The following AOX1 variants were observed in gnomAD, a reference collection of about 807,000 sequenced individuals.
AOX1 encodes aldehyde oxidase 1, also known as aldehyde oxidase.
A neutral mutation model predicts 169.5 loss-of-function variants in AOX1; 153 were observed. The observed-to-expected ratio is 0.90, with a 90% CI of 0.79 to 1.03. The LOEUF (loss-of-function observed/expected upper bound fraction) is 1.03, where lower values mean the gene tolerates loss of function less well. Among genes scored for constraint, AOX1 ranks in the 50% least tolerant of loss-of-function variants. AOX1 has a pLI of 0.00. For missense variants in AOX1, 1,656 were observed against 1,663.9 expected, an observed-to-expected ratio of 1.00 and a Z score of 0.08; for synonymous variants, 562 against 581.9, an observed-to-expected ratio of 0.97 and a Z score of 0.49.
At chr2:200,623,080 A>C (rs1252936132) in intron 18 of AOX1, among the ~76,000 whole-genome samples, 5 of 152,212 alleles carry the variant, frequency 3.3e-5, no homozygotes, top group Non-Finnish European at 5.9e-5. Context: ...GAAAAGACAT[A>C]ATAGTTCAAA....
chr2:200,659,786 T>TCTCTCTCTCACA (rs373271043), intron 28 of AOX1, among the ~76,000 whole-genome samples: 1 of 96,104 alleles, frequency 1.0e-5, no homozygotes, highest in South Asian at 3.4e-4. Context: ...GTTCTCTCTC[T>TCTCTCTCTCACA]CACACACACA....
intron 25 of AOX1, among the ~76,000 whole-genome samples, chr2:200,644,027 G>A (rs1210350935): frequency 6.6e-6 from 1 of 152,064 alleles, no homozygotes; most frequent in East Asian, 1.9e-4. Flanking sequence ...TACTCTGCTG[G>A]CTGACTGTTC....
chr2:200,601,632 T>TTA (rs1553567189), intron 5 of AOX1, among the ~76,000 whole-genome samples: 3 of 150,864 alleles, frequency 2.0e-5, no homozygotes, highest in Non-Finnish European at 4.4e-5. Context: ...TTTTACTTTT[T>TTA]AAAAAAAAAA....
rs1288893401 is a variant in AOX1 at position 200,602,424 on chromosome 2, G to A, written c.498+79G>A. 10 of 1,275,332 alleles carry A rather than the reference G, an allele frequency of 7.8e-6. No individual in the cohort carries two copies. In the Admixed American group the frequency reaches 8.7e-5, roughly 11 times the overall value. The allele number at this position is 1,275,332 out of a possible 1,614,324, so 79.0% of individuals were successfully genotyped here. A position where few individuals can be genotyped will look rare whatever the true frequency, so the allele number is the denominator to read the frequency against. The stretch of plus-strand genomic sequence containing the variant: ...GTAATGGTTGTCAGTGATTAGGGGG[G>A]CAGCCATCTTACTAATACATGGCTA... On this transcript the variant is annotated intron_variant, in intron 6 of 34. Coordinates refer to ENST00000374700, the MANE Select transcript of AOX1 (RefSeq NM_001159.4).
chr2:200,663,064 C>A, intron 31 of AOX1, 95 bp downstream of exon 31: 2 of 928,024 alleles, frequency 2.2e-6, no homozygotes, highest in Non-Finnish European at 3.5e-6. Flanking sequence ...TGAGTGGCAG[C>A]ATCGTGCATT....
chr2:200,638,842 CA>C (rs2035294820), intron 23 of AOX1, among the ~76,000 whole-genome samples: 1 of 152,094 alleles, frequency 6.6e-6, no homozygotes, highest in Non-Finnish European at 1.5e-5. Context: ...CTCTAAGAAA[CA>C]ACTTAAAAGC....
At chr2:200,679,814 G>A (rs1245458395), downstream of AOX1, among the ~76,000 whole-genome samples, 1 of 152,150 alleles carries the variant, frequency 6.6e-6, no homozygotes, top group African/African-American at 2.4e-5. Context: ...GGGCACAGTG[G>A]TGCACACCTG....
downstream of AOX1, among the ~76,000 whole-genome samples, chr2:200,676,250 T>C (rs1559266755): frequency 6.6e-6 from 1 of 152,128 alleles, no homozygotes; most frequent in South Asian, 2.1e-4. Context: ...TTTGCAAATA[T>C]AGCATGATTT....
intron 17 of AOX1, 70 bp downstream of exon 17, chr2:200,620,889 G>A: frequency 6.6e-7 from 1 of 1,509,490 alleles, no homozygotes; most frequent in Non-Finnish European, 9.0e-7. Flanking sequence ...CTAGTGAAAA[G>A]TAATGGTGTG....
chr2:200,596,870 A>G (rs560730883), intron 3 of AOX1, among the ~76,000 whole-genome samples: 1 of 152,250 alleles, frequency 6.6e-6, no homozygotes, highest in Admixed American at 6.5e-5. Context: ...GGTTTTTAGA[A>G]TGGGAGTGGC....
chr2:200,613,946 T>C lies in AOX1; in HGVS notation c.1591T>C (p.Ser531Pro). The C allele has an allele frequency of 6.2e-7, 1 of 1,612,184 alleles. No homozygotes were observed. Among genetic ancestry groups the C allele is most frequent in the Non-Finnish European group, 8.5e-7 (1 of 1,179,918 alleles). The change falls in exon 15 of 35, where the codon TCA becomes CCA. Residue 531 changes from serine to proline, a missense_variant. Transcript: ENST00000374700. The part of the protein sequence containing the change: ...SFLFKFYLEV[S>P]QILKKMDPVH... ...CCTCTTCAAGTTCTACCTGGAAGTG[T>C]CACAGATTTTGAAAAAGATGGTAAA...
At chr2:200,607,032 G>T (rs1450599916) in intron 10 of AOX1, among the ~76,000 whole-genome samples, 2 of 152,152 alleles carry the variant, frequency 1.3e-5, no homozygotes, top group African/African-American at 4.8e-5. Context: ...AATAGTAGTG[G>T]TGAGAGAGGG....
chr2:200,673,835 T>C (rs2105781994), downstream of AOX1, among the ~76,000 whole-genome samples: 1 of 152,262 alleles, frequency 6.6e-6, no homozygotes, highest in South Asian at 2.1e-4. Flanking sequence ...CCTGTCTGGG[T>C]TTCCTGTTGT....
At chr2:200,607,458 CAGGAA>C (rs2034538791) in intron 10 of AOX1, among the ~76,000 whole-genome samples, 1 of 152,090 alleles carries the variant, frequency 6.6e-6, no homozygotes, top group East Asian at 1.9e-4. Flanking sequence ...ATTAAAAAGT[CAGGAA>C]ACAATAAATG....
At chr2:200,603,203 T>C in intron 6 of AOX1, 64 bp from the exon 7 acceptor site, 1 of 1,317,216 alleles carries the variant, frequency 7.6e-7, no homozygotes, top group Non-Finnish European at 1.1e-6. Context: ...GGCATTCACC[T>C]GCTTTATTTA....
chr2:200,657,517 T>G (rs1398343944), intron 27 of AOX1, among the ~76,000 whole-genome samples: 1 of 151,998 alleles, frequency 6.6e-6, no homozygotes, highest in African/African-American at 2.4e-5. Context: ...CTAAAGAAAA[T>G]TATATGCTTA....
intron 25 of AOX1, among the ~76,000 whole-genome samples, chr2:200,647,820 A>G (rs942595159): frequency 6.6e-6 from 1 of 152,118 alleles, no homozygotes; most frequent in Non-Finnish European, 1.5e-5. Flanking sequence ...GATTGGGTTA[A>G]TTCAAAGACC....
rs978589564 is a variant in AOX1, at chr2:200,635,798, G to A, written c.2346+883G>A. Among the ~76,000 whole-genome samples the A allele has an allele frequency of 7.9e-5, 12 of 152,284 alleles. No individual in the cohort carries two copies. The East Asian group carries it at 2.3e-3, about 29-fold the overall frequency. On this transcript the variant is annotated intron_variant, in intron 21 of 34. Coordinates refer to ENST00000374700, the MANE Select transcript of AOX1 (RefSeq NM_001159.4). ...GGGTGAGAGTAAGGGAAATGAGGCA[G>A]GGGGTCTTGATTCTGGTCATAAGGA...
Position 200,604,097 on chromosome 2 carries a change from G to C in AOX1, c.669G>C (p.Met223Ile), listed in dbSNP as rs1364050940. The C allele has an allele frequency of 6.2e-7, 1 of 1,600,708 alleles. No individual in the cohort carries two copies. Among genetic ancestry groups the C allele is most frequent in the South Asian group, 1.1e-5 (1 of 90,824 alleles). The change falls in exon 8 of 35, where the codon ATG (methionine) becomes ATC (isoleucine). Residue 223 changes from methionine (M) to isoleucine (I), a missense_variant and splice_region_variant. By Grantham distance (10) the Met-to-Ile change is conservative. Coordinates refer to ENST00000374700, the MANE Select transcript of AOX1 (RefSeq NM_001159.4). ...TQELIFPPEL[M>I]IMAEKQSQRT... ...AACTGATATTTCCTCCTGAGCTAATGGTGAGTAAAGCAATGTTGAGCTCAT... is the reference window on the plus strand; with the variant it reads ...AACTGATATTTCCTCCTGAGCTAATCGTGAGTAAAGCAATGTTGAGCTCAT...
Sources: gnomAD v4.1 joint callset for allele counts (sites outside exome capture counted in the v4.1 genomes callset) on GRCh38, gnomAD v4.1.1 for gene constraint, MANE v1.5 for transcripts, NCBI Gene and HGNC (gene_info 2026-07-23, HGNC 2026-07-21) for gene names.